DPP4: variants seen among roughly 807,000 people sequenced by gnomAD.
The protein encoded by DPP4 is ADCP-2.
Under a neutral mutation model 122.4 loss-of-function variants are expected in DPP4, and 93 were observed. The observed-to-expected ratio is 0.76, with a 90% CI of 0.64 to 0.90. The LOEUF is 0.90. DPP4 is among the 40% of genes least tolerant of loss of function. The pLI, the probability that DPP4 is intolerant of heterozygous loss-of-function variation, is 0.00. For missense variants in DPP4, 914 were observed against 907.3 expected (o/e 1.01, Z -0.09); for synonymous variants, 321 against 302.9 (o/e 1.06, Z -0.62).
intron 10 of DPP4, 49 bp downstream of exon 10, chr2:162,033,492 G>T: frequency 7.5e-6 from 11 of 1,464,020 alleles, no homozygotes; most frequent in Non-Finnish European, 1.0e-5. Context: ...GTTCTCCCTA[G>T]AAAGTGTAAA....
chr2:162,008,410 T>G (rs1701337439), intron 22 of DPP4, 152 bp downstream of exon 22: 2 of 614,840 alleles, frequency 3.3e-6, no homozygotes, highest in Non-Finnish European at 5.7e-6. Context: ...ATAAATGAGA[T>G]CATCTTATTA....
Position 162,056,602 on chromosome 2 carries a change from G to A in DPP4, c.95-9101C>T, listed in dbSNP as rs538407466. Among the ~76,000 whole-genome samples, 11 of 152,286 alleles carry A rather than the reference G, an allele frequency of 7.2e-5. 1 individual carries two copies. The highest frequency in any genetic ancestry group is 2.2e-4 in the African/African-American group (9 of 41,554). On this transcript the variant is annotated intron_variant, in intron 2 of 25. Coordinates refer to ENST00000360534, the MANE Select transcript of DPP4 (RefSeq NM_001935.4). Reference sequence around the variant, plus strand: ...TTACCTTTGCTCATTACTGGGTGCAGGCCAAGCAAACTATGGAAGGAATTT... The same window carrying A: ...TTACCTTTGCTCATTACTGGGTGCAAGCCAAGCAAACTATGGAAGGAATTT...
intron 10 of DPP4, 137 bp downstream of exon 10, chr2:162,033,404 G>A (rs768810202): frequency 1.5e-5 from 9 of 592,442 alleles, no homozygotes; most frequent in East Asian, 6.3e-5. Context: ...AAGAGTTGCT[G>A]AAGGAAAGAA....
chr2:162,025,611 A>C, intron 10 of DPP4, among the ~76,000 whole-genome samples: 1 of 152,166 alleles, frequency 6.6e-6, no homozygotes, highest in East Asian at 1.9e-4. Context: ...ATACTTAAAA[A>C]ATTTTTGGAA....
chr2:161,993,339 G>T lies in DPP4; in HGVS notation c.2245C>A (p.Gln749Lys), dbSNP rs1476875935. The T allele has an allele frequency of 6.2e-7, 1 of 1,613,580 alleles. No homozygotes were observed. Among genetic ancestry groups the T allele is most frequent in the Non-Finnish European group, 8.5e-7 (1 of 1,179,740 alleles). The change falls in exon 26 of 26, where the codon CAA becomes AAA. Residue 749 changes from glutamine (Q) to lysine (K), a missense_variant. Gln to Lys is a moderately conservative substitution (Grantham distance 53). Transcript: ENST00000360534. ...TGGCTCATGTGGGTATATATATGTTGGTGTGCTGTGCTGCTAGCTATTCCA... is the reference window on the plus strand; with the variant it reads ...TGGCTCATGTGGGTATATATATGTTTGTGTGCTGTGCTGCTAGCTATTCCA... ...DHGIASSTAH[Q>K]HIYTHMSHFI...
rs1701269477 is a variant in DPP4 at position 162,005,810 on chromosome 2, CTG to C, written c.1988-3_1988-2del. On this transcript the variant is annotated splice_acceptor_variant and splice_polypyrimidine_tract_variant and intron_variant, in intron 22 of 25. Coordinates refer to ENST00000360534, the MANE Select transcript of DPP4 (RefSeq NM_001935.4). LOFTEE classifies it high-confidence loss of function. ...ATGTAACGTTCTGTGTACACTGAGT[CTG>C]TGAAAGAAAAAAAAATAAAAAAAAG... 1 of 1,610,368 alleles carries C rather than the reference CTG, an allele frequency of 6.2e-7. No individual in the cohort carries two copies. The highest frequency in any genetic ancestry group is 8.5e-7 in the Non-Finnish European group (1 of 1,178,746).
At chr2:162,003,121 C>T (rs898648848) in intron 23 of DPP4, among the ~76,000 whole-genome samples, 1 of 152,086 alleles carries the variant, frequency 6.6e-6, no homozygotes, top group African/African-American at 2.4e-5. Context: ...CGACTCCTGG[C>T]GTGGAAGGAT....
In DPP4 at chr2:162,073,964, C is replaced by G. The variant is rs771372457; in HGVS notation, c.6+12G>C. ...CAGCTCGCCCCGGGGACGTACGTGGCGCGGCACTCACCTTCATCGTCGGCG... is the reference window on the plus strand; with the variant it reads ...CAGCTCGCCCCGGGGACGTACGTGGGGCGGCACTCACCTTCATCGTCGGCG... On this transcript the variant is annotated intron_variant, in intron 1 of 25. Transcript: ENST00000360534. 1.2e-6 allele frequency: 2 copies of G among 1,611,530 alleles called. No homozygotes were observed. The highest frequency in any genetic ancestry group is 1.7e-5 in the Admixed American group (1 of 59,682).
At position 162,029,339 on chromosome 2, in the gene DPP4, G is replaced by A. The variant is rs143849901; in HGVS notation, c.887+4202C>T. 6.4e-3 allele frequency among the ~76,000 whole-genome samples: 972 copies of A among 152,328 alleles called. 6 individuals are homozygous for A. Among genetic ancestry groups the A allele is most frequent in the Non-Finnish European group, 8.3e-3 (564 of 68,034 alleles). ...AATGCTACAAAGAGCAACTGCAACCGTGGAATGATTAATTCAGTGAATCAC... is the reference window on the plus strand; with the variant it reads ...AATGCTACAAAGAGCAACTGCAACCATGGAATGATTAATTCAGTGAATCAC... On this transcript the variant is annotated intron_variant, in intron 10 of 25. Transcript: ENST00000360534.
chr2:162,020,208 A>T, intron 14 of DPP4, 21 bp downstream of exon 14: 9 of 1,596,796 alleles, frequency 5.6e-6, no homozygotes, highest in Non-Finnish European at 7.7e-6. Context: ...TTTATATCCT[A>T]TCAATTGTTA....
chr2:162,025,497 A>G (rs1483959013), intron 10 of DPP4, among the ~76,000 whole-genome samples: 1 of 152,244 alleles, frequency 6.6e-6, no homozygotes, highest in Non-Finnish European at 1.5e-5. Flanking sequence ...ACATTTCTCA[A>G]GAGTCAAAAC....
rs1386122926 is a variant in DPP4, at chr2:162,022,738, C to T, written c.1068+17G>A. The T allele has an allele frequency of 1.9e-6, 3 of 1,613,704 alleles. No homozygotes were observed. The highest frequency in any genetic ancestry group is 2.5e-6 in the Non-Finnish European group (3 of 1,179,824). ...TAGCTGACTCATCCATAAAACCCCA[C>T]AACTTATAACACTTACTCTTCCAAC... On this transcript the variant is annotated intron_variant, in intron 12 of 25. Coordinates refer to ENST00000360534, the MANE Select transcript of DPP4 (RefSeq NM_001935.4).
chr2:161,995,166 C>G, intron 24 of DPP4, 132 bp from the exon 25 acceptor site: 1 of 1,310,264 alleles, frequency 7.6e-7, no homozygotes, highest in Non-Finnish European at 1.1e-6. Flanking sequence ...TAGCCCAAGA[C>G]AAGTGACTTG....
chr2:162,003,284 C>A (rs990728551), intron 23 of DPP4, among the ~76,000 whole-genome samples: 1 of 151,994 alleles, frequency 6.6e-6, no homozygotes, highest in Non-Finnish European at 1.5e-5. Context: ...GAAATGGCCA[C>A]CGCAGTCAGG....
intron 10 of DPP4, among the ~76,000 whole-genome samples, chr2:162,028,362 AAAAT>A (rs1240341026): frequency 6.6e-6 from 1 of 152,178 alleles, no homozygotes; most frequent in Non-Finnish European, 1.5e-5. Context: ...ACCCCATCTC[AAAAT>A]AAATAAATAA....
chr2:162,060,389 G>T (rs1488179553), intron 2 of DPP4, among the ~76,000 whole-genome samples: 1 of 152,090 alleles, frequency 6.6e-6, no homozygotes, highest in Admixed American at 6.5e-5. Context: ...TTCCTAGAAG[G>T]TAACTTCCTA....
At chr2:162,010,418 C>T (rs1347056824) in intron 20 of DPP4, among the ~76,000 whole-genome samples, 1 of 152,150 alleles carries the variant, frequency 6.6e-6, no homozygotes, top group Non-Finnish European at 1.5e-5. Context: ...GCAGGATGTA[C>T]ACTTTTGTGT....
intron 2 of DPP4, among the ~76,000 whole-genome samples, chr2:162,063,244 A>T (rs1360178239): frequency 1.3e-5 from 2 of 152,190 alleles, no homozygotes; most frequent in African/African-American, 4.8e-5. Flanking sequence ...AAGGGAAGAC[A>T]AAGAGTTTTG....
intron 11 of DPP4, 49 bp downstream of exon 11, chr2:162,024,755 C>T (rs1225833409): frequency 6.3e-7 from 1 of 1,598,212 alleles, no homozygotes; most frequent in Non-Finnish European, 8.5e-7. Flanking sequence ...TGCACAGACC[C>T]TCTGATCACA....
Sources: gnomAD v4.1 joint callset for allele counts (sites outside exome capture counted in the v4.1 genomes callset) on GRCh38, gnomAD v4.1.1 for gene constraint, MANE v1.5 for transcripts, NCBI Gene and HGNC (gene_info 2026-07-23, HGNC 2026-07-21) for gene names.